The following PADI1 variants were observed in gnomAD, a reference collection of about 807,000 sequenced individuals.
PADI1 encodes the protein peptidyl arginine deiminase 1.
PADI1 carries 65 observed loss-of-function variants against 74.8 expected under a neutral mutation model. The observed-to-expected ratio is 0.87, with a 90% CI of 0.71 to 1.07. PADI1 has a LOEUF of 1.07. Among genes scored for constraint, PADI1 ranks in the 50% least tolerant of loss-of-function variants. The probability of loss-of-function intolerance (pLI) is 0.00; values close to 1 mark genes in which losing one functional copy is unlikely to be tolerated. For synonymous variants in PADI1, 371 were observed against 336.2 expected, an observed-to-expected ratio of 1.10 and a Z score of -1.13; for missense variants, 943 against 854.0, an observed-to-expected ratio of 1.10 and a Z score of -1.30.
intron 15 of PADI1, among the ~76,000 whole-genome samples, chr1:17,242,530 C>T (rs979495317): frequency 1.3e-5 from 2 of 152,148 alleles, no homozygotes; most frequent in African/African-American, 2.4e-5. Context: ...TAGGCTGGAG[C>T]GTGTGTGTCT....
chr1:17,220,409 A>G (rs1339276143), intron 1 of PADI1, among the ~76,000 whole-genome samples: 3 of 152,168 alleles, frequency 2.0e-5, no homozygotes, highest in Non-Finnish European at 4.4e-5. Context: ...TTAGGGGTCC[A>G]GGAAAGGATG....
chr1:17,226,230 CT>C (rs148760791), intron 6 of PADI1, 72 bp downstream of exon 6: 9 of 1,523,278 alleles, frequency 5.9e-6, no homozygotes, highest in East Asian at 2.3e-5. Flanking sequence ...ATCTCTCTCT[CT>C]TTTTTTCCAT....
Position 17,226,154 on chromosome 1 carries a change from CA to C in PADI1, c.649del (p.Arg217GlyfsTer38), listed in dbSNP as rs1329284833. ...DSKRVRVFCA[R>X]GGNSLSDYKQ... ...CCAAAAGAGTGAGGGTCTTCTGTGC[CA>C]GGGGTGAGTGGCCTGATGGGGCCTT... On this transcript the variant is annotated frameshift_variant, in exon 6 of 16. Transcript: ENST00000375471. LOFTEE classifies it high-confidence loss of function. The C allele has an allele frequency of 1.2e-6, 2 of 1,614,132 alleles. No homozygotes were observed. Among genetic ancestry groups the C allele is most frequent in the East Asian group, 2.2e-5 (1 of 44,884 alleles).
chr1:17,234,432 A>T (rs185285470), intron 11 of PADI1, among the ~76,000 whole-genome samples: 137 of 152,298 alleles, frequency 9.0e-4, no homozygotes, highest in Admixed American at 2.4e-3. Flanking sequence ...GGTATTTTTC[A>T]TTTGGCCCCA....
At chr1:17,231,947 G>C (rs2100493809) in intron 10 of PADI1, among the ~76,000 whole-genome samples, 1 of 151,812 alleles carries the variant, frequency 6.6e-6, no homozygotes, top group Non-Finnish European at 1.5e-5. Flanking sequence ...GTGTTTGTTT[G>C]TTTGTTTTTG....
Position 17,225,795 on chromosome 1 carries a change from T to C in PADI1, c.409-16T>C, listed in dbSNP as rs772610303. On this transcript the variant is annotated splice_polypyrimidine_tract_variant and intron_variant, in intron 4 of 15. Transcript: ENST00000375471. ...CCTGGGTCCCACTGATCCCAAGGCA[T>C]CTTATTTTGCCACAGAAAACCTGGC... 39 of 1,605,634 alleles carry C rather than the reference T, an allele frequency of 2.4e-5. No individual in the cohort carries two copies. Among genetic ancestry groups the C allele is most frequent in the Non-Finnish European group, 3.1e-5 (36 of 1,172,596 alleles).
In PADI1 at chr1:17,225,901, A is replaced by C. The variant is rs752953244; in HGVS notation, c.499A>C (p.Thr167Pro). The C allele has an allele frequency of 6.2e-7, 1 of 1,613,826 alleles. No homozygotes were observed. Among genetic ancestry groups the C allele is most frequent in the African/African-American group, 1.3e-5 (1 of 74,858 alleles). The stretch of plus-strand genomic sequence containing the variant: ...TCACAGGTCCGCAGAGCCTGACCTC[A>C]CCCACAGCTGGCTGATGTCGCTGGC... ...DNHRSAEPDL[T>P]HSWLMSLADL... Residue 167 changes from threonine to proline, a missense_variant, in exon 5 of 16, where the codon ACC (threonine) becomes CCC (proline). Transcript: ENST00000375471.
intron 1 of PADI1, among the ~76,000 whole-genome samples, chr1:17,215,053 G>C (rs1307079868): frequency 6.6e-6 from 1 of 152,210 alleles, no homozygotes; most frequent in Non-Finnish European, 1.5e-5. Flanking sequence ...TGAAGGCAGT[G>C]GGGCTGGGAA....
At chr1:17,232,589 CA>C in intron 10 of PADI1, among the ~76,000 whole-genome samples, 1 of 152,154 alleles carries the variant, frequency 6.6e-6, no homozygotes, top group East Asian at 1.9e-4. Flanking sequence ...GCTTAATTTC[CA>C]AACATTTGGG....
At chr1:17,225,532 C>A (rs1407047333) in intron 4 of PADI1, among the ~76,000 whole-genome samples, 1 of 152,048 alleles carries the variant, frequency 6.6e-6, no homozygotes, top group African/African-American at 2.4e-5. Flanking sequence ...TTTTGAGGGC[C>A]ATTTCTTGGT....
At chr1:17,243,165 C>A (rs1254342965) in intron 15 of PADI1, among the ~76,000 whole-genome samples, 7 of 152,362 alleles carry the variant, frequency 4.6e-5, no homozygotes, top group Non-Finnish European at 2.9e-5. Flanking sequence ...CCCCTTATGA[C>A]CTCTTGCCAT....
intron 1 of PADI1, among the ~76,000 whole-genome samples, chr1:17,214,299 C>T (rs757675063): frequency 3.9e-5 from 6 of 152,094 alleles, no homozygotes; most frequent in South Asian, 2.1e-4. Context: ...GAAGAGGTGG[C>T]ATTTGAAGTG....
chr1:17,223,919 C>T lies in PADI1; in HGVS notation c.346+226C>T, dbSNP rs111290924. 7.0e-3 allele frequency among the ~76,000 whole-genome samples: 1,064 copies of T among 152,338 alleles called. 14 individuals are homozygous for T. The highest frequency in any genetic ancestry group is 0.024 in the African/African-American group (980 of 41,574). ...AGAAACTTCACTGCCCAGTGAACAA[C>T]GGCTAGACCCACAATAAGCCTCCTT... On this transcript the variant is annotated intron_variant, in intron 3 of 15. Coordinates refer to ENST00000375471, the MANE Select transcript of PADI1 (RefSeq NM_013358.3).
At position 17,228,878 on chromosome 1, in the gene PADI1, G is replaced by A. The variant is rs865824308; in HGVS notation, c.826-70G>A. ...TGCAGGCTCCAGGGCTGGGCAGGCTGGGGGCTGGGGGGGCTTGAGGCAGGC... is the reference window on the plus strand; with the variant it reads ...TGCAGGCTCCAGGGCTGGGCAGGCTAGGGGCTGGGGGGGCTTGAGGCAGGC... On this transcript the variant is annotated intron_variant, in intron 7 of 15. Coordinates refer to ENST00000375471, the MANE Select transcript of PADI1 (RefSeq NM_013358.3). The A allele has an allele frequency of 5.3e-5, 84 of 1,580,470 alleles. No individual in the cohort carries two copies. In the Middle Eastern group the frequency reaches 2.3e-3, roughly 43 times the overall value.
Position 17,245,976 on chromosome 1 carries a change from A to C in PADI1, c.*1733A>C, listed in dbSNP as rs2072873557. On this transcript the variant is annotated 3_prime_UTR_variant, in exon 16 of 16. Transcript: ENST00000375471. The surrounding 1 kb of genome is among the most constrained non-coding windows in gnomAD (Gnocchi z 4.1). Reference sequence around the variant, plus strand: ...TGGGTGACCAGTCACCTACTTTCTGATCAATAAAAATGTCGACATGCATTT... The same window carrying C: ...TGGGTGACCAGTCACCTACTTTCTGCTCAATAAAAATGTCGACATGCATTT... 6.6e-6 allele frequency: 1 copy of C among 152,230 alleles called. No homozygotes were observed. Among genetic ancestry groups the C allele is most frequent in the African/African-American group, 2.4e-5 (1 of 41,458 alleles). 9.4% of individuals were successfully genotyped at this position (152,230 alleles called of 1,614,324 possible).
intron 1 of PADI1, among the ~76,000 whole-genome samples, chr1:17,212,754 C>T (rs941624357): frequency 4.6e-5 from 7 of 152,164 alleles, no homozygotes; most frequent in African/African-American, 1.4e-4. Context: ...CTCCAAGGCC[C>T]GTCTCTGACC....
At chr1:17,242,826 C>CCCTGGT (rs957206297) in intron 15 of PADI1, among the ~76,000 whole-genome samples, 20 of 152,314 alleles carry the variant, frequency 1.3e-4, no homozygotes, top group African/African-American at 4.1e-4. Flanking sequence ...CTGGCTCTGG[C>CCCTGGT]CCTGGTCCTG....
At chr1:17,241,515 G>C (rs1398424754) in intron 15 of PADI1, among the ~76,000 whole-genome samples, 3 of 143,662 alleles carry the variant, frequency 2.1e-5, no homozygotes, top group Non-Finnish European at 3.0e-5. Context: ...TCGGAATCGG[G>C]ATGGAATCAG....
chr1:17,235,331 C>T (rs2072616231), intron 11 of PADI1, among the ~76,000 whole-genome samples: 1 of 120,570 alleles, frequency 8.3e-6, no homozygotes, highest in African/African-American at 3.6e-5. Flanking sequence ...TGGAGTGGAC[C>T]ATGTTGCAGG....
Sources: allele counts gnomAD v4.1 joint callset (sites outside exome capture counted in the v4.1 genomes callset), GRCh38; gene constraint gnomAD v4.1.1; non-coding constraint Gnocchi (gnomAD v3.1); transcripts MANE v1.5; gene names NCBI Gene and HGNC (gene_info 2026-07-23, HGNC 2026-07-21).